The following LRRC37B variants were observed in gnomAD, a reference collection of about 807,000 sequenced individuals.
LRRC37B encodes the protein leucine-rich repeat-containing protein 37B.
A neutral mutation model predicts 98.3 loss-of-function variants in LRRC37B; 28 were observed. That is an observed-to-expected ratio of 0.28 (90% CI 0.21 to 0.39). The LOEUF (loss-of-function observed/expected upper bound fraction) is 0.39. Among genes scored for constraint, LRRC37B ranks in the 10% least tolerant of loss-of-function variants. The probability of loss-of-function intolerance (pLI) is 1.00; values close to 1 mark genes in which losing one functional copy is unlikely to be tolerated. For missense variants in LRRC37B, 938 were observed against 1,182.7 expected, an observed-to-expected ratio of 0.79 and a Z score of 3.03; for synonymous variants, 364 against 442.7, an observed-to-expected ratio of 0.82 and a Z score of 2.23.
In LRRC37B at chr17:32,011,154, G is replaced by A. The variant is rs569050997; in HGVS notation, c.-191+3022G>A. The stretch of plus-strand genomic sequence containing the variant: ...TGGGACTACAGGCACCCGCCACCAC[G>A]CCCCGCTGATTTTTGTATTTTTAGA... On this transcript the variant is annotated intron_variant, in intron 1 of 14. Transcript: ENST00000543378. Among the ~76,000 whole-genome samples, 17 of 151,852 alleles carry A rather than the reference G, an allele frequency of 1.1e-4. No individual in the cohort carries two copies. In the East Asian group the frequency reaches 3.1e-3, roughly 28 times the overall value.
chr17:32,033,559 T>C (rs186289291), intron 5 of LRRC37B, among the ~76,000 whole-genome samples: 205 of 152,364 alleles, frequency 1.3e-3, no homozygotes, highest in African/African-American at 4.5e-3. Flanking sequence ...CTCAGTTTCC[T>C]CATTTATAAA....
chr17:32,009,690 T>G (rs910377034), intron 1 of LRRC37B, among the ~76,000 whole-genome samples: 2 of 152,176 alleles, frequency 1.3e-5, no homozygotes, highest in African/African-American at 2.4e-5. Context: ...TGGAGTGCAG[T>G]GGCATGATCT....
intron 1 of LRRC37B, among the ~76,000 whole-genome samples, chr17:32,013,601 T>C (rs898393389): frequency 3.9e-5 from 6 of 152,156 alleles, no homozygotes; most frequent in African/African-American, 1.4e-4. Flanking sequence ...TTACAAAATA[T>C]ACACCTAACC....
intron 7 of LRRC37B, among the ~76,000 whole-genome samples, chr17:32,044,518 C>T (rs778821675): frequency 5.2e-4 from 79 of 152,150 alleles, no homozygotes; most frequent in Non-Finnish European, 6.5e-4. Flanking sequence ...TTTCCTGCCT[C>T]GTGACCCCAG....
upstream of LRRC37B, chr17:32,020,796 A>C: frequency 1.6e-6 from 1 of 626,552 alleles, no homozygotes; most frequent in Non-Finnish European, 2.5e-6. Flanking sequence ...TGAAGATCCC[A>C]AGGCCAGGTC....
At chr17:32,031,307 T>C (rs1911100294) in intron 4 of LRRC37B, 71 bp from the exon 8 acceptor site, 1 of 1,567,780 alleles carries the variant, frequency 6.4e-7, no homozygotes, top group Admixed American at 1.9e-5. Context: ...CCTATGTAAA[T>C]TAGACTCACA....
At chr17:32,030,754 A>G (rs1243655404) in intron 4 of LRRC37B, 27 bp downstream of exon 7, 2 of 1,266,934 alleles carry the variant, frequency 1.6e-6, no homozygotes, top group African/African-American at 3.0e-5. Context: ...ACTTTATTAC[A>G]TTTGGAATTT....
chr17:32,018,734 T>C (rs1276096715), upstream of LRRC37B, among the ~76,000 whole-genome samples: 1 of 152,216 alleles, frequency 6.6e-6, no homozygotes, highest in Non-Finnish European at 1.5e-5. Flanking sequence ...ATAATGCCTT[T>C]CAAATGTGGC....
intron 7 of LRRC37B, chr17:32,041,236 AT>A (rs903629158): frequency 1.3e-6 from 1 of 770,186 alleles, no homozygotes; most frequent in African/African-American, 1.7e-5. Context: ...GAGCAGTCCA[AT>A]GGGGGCTTCC....
At chr17:32,037,636 A>C (rs1320925984) in intron 7 of LRRC37B, among the ~76,000 whole-genome samples, 1 of 152,202 alleles carries the variant, frequency 6.6e-6, no homozygotes, top group Non-Finnish European at 1.5e-5. Context: ...TGTGTAGTGG[A>C]ATCTCACTGG....
intron 1 of LRRC37B, among the ~76,000 whole-genome samples, chr17:32,014,513 C>G (rs1335224042): frequency 6.6e-6 from 1 of 152,180 alleles, no homozygotes; most frequent in Non-Finnish European, 1.5e-5. Context: ...ATAAGCAGGT[C>G]TTTAGGCCAA....
At chr17:32,012,593 G>A (rs1176568448) in intron 1 of LRRC37B, among the ~76,000 whole-genome samples, 1 of 152,062 alleles carries the variant, frequency 6.6e-6, no homozygotes, top group Non-Finnish European at 1.5e-5. Context: ...GCACACGTCT[G>A]TAGTCCCAGC....
intron 7 of LRRC37B, among the ~76,000 whole-genome samples, chr17:32,037,707 TTACTG>T (rs982095483): frequency 2.0e-5 from 3 of 152,256 alleles, no homozygotes; most frequent in Non-Finnish European, 2.9e-5. Context: ...AATATCTTCT[TTACTG>T]TACTGTTCAA....
upstream of LRRC37B, among the ~76,000 whole-genome samples, chr17:32,016,488 C>T (rs1373839524): frequency 1.3e-5 from 2 of 152,170 alleles, no homozygotes; most frequent in African/African-American, 4.8e-5. Context: ...ATCGTGCCTC[C>T]TGAGGCATCT....
At chr17:32,022,139 G>A (rs752180103) in exon 1 of LRRC37B, 13 of 1,613,674 alleles carry the variant, frequency 8.1e-6, no homozygotes, top group Non-Finnish European at 1.1e-5. Flanking sequence ...CTCCAGGTGA[G>A]GATCAAGCTC....
intron 11 of LRRC37B, chr17:32,051,537 G>A (rs1305397075): frequency 6.6e-6 from 1 of 151,338 alleles, no homozygotes; most frequent in African/African-American, 2.4e-5. Context: ...CAGCCCTCCT[G>A]AGCCTAGTCC....
chr17:32,020,768 G>A, upstream of LRRC37B: 1 of 517,976 alleles, frequency 1.9e-6, no homozygotes, highest in Non-Finnish European at 3.0e-6. Context: ...CAGGCTGCCA[G>A]AACTGGACTA....
chr17:32,048,037 A>G, intron 9 of LRRC37B, 136 bp downstream of exon 12: 3 of 1,470,028 alleles, frequency 2.0e-6, no homozygotes, highest in Non-Finnish European at 2.9e-6. Flanking sequence ...TCAAATGTAC[A>G]AGATGGAGAT....
chr17:32,040,350 G>C, intron 7 of LRRC37B: 1 of 384,872 alleles, frequency 2.6e-6, no homozygotes, highest in South Asian at 2.3e-5. Flanking sequence ...GCACGTGGTG[G>C]GGCCCCTGAG....
Sources: gnomAD v4.1 joint callset for allele counts (sites outside exome capture counted in the v4.1 genomes callset) on GRCh38, gnomAD v4.1.1 for gene constraint, MANE v1.5 for transcripts, NCBI Gene and HGNC (gene_info 2026-07-23, HGNC 2026-07-21) for gene names.